SH3RF3: variants seen among roughly 807,000 people sequenced by gnomAD.
SH3RF3 encodes the protein SH3 domain containing ring finger 3, also known as E3 ubiquitin-protein ligase SH3RF3.
In SH3RF3, 29 loss-of-function variants were observed where a neutral mutation model predicts 66.3. The observed-to-expected ratio is 0.44, with a 90% CI of 0.33 to 0.60. The LOEUF is 0.60. Ranked by LOEUF, SH3RF3 falls within the 20% of genes least tolerant of loss-of-function variation. The pLI, the probability that SH3RF3 is intolerant of heterozygous loss-of-function variation, is 0.04. For synonymous variants in SH3RF3, 583 were observed against 532.0 expected (o/e 1.10, Z -1.32); for missense variants, 1,194 against 1,190.9 (o/e 1.00, Z -0.04).
chr2:109,363,995 G>C (rs554977939), intron 2 of SH3RF3, among the ~76,000 whole-genome samples: 1 of 152,132 alleles, frequency 6.6e-6, no homozygotes, highest in East Asian at 1.9e-4. Flanking sequence ...CTGTGGTTTG[G>C]TGTCTGACAA....
At chr2:109,394,982 G>A (rs1676102436) in intron 3 of SH3RF3, among the ~76,000 whole-genome samples, 1 of 152,274 alleles carries the variant, frequency 6.6e-6, no homozygotes, top group Non-Finnish European at 1.5e-5. Context: ...ACAAGGATGT[G>A]TGTGGCCGGT....
chr2:109,412,461 A>G (rs928215418), intron 4 of SH3RF3, among the ~76,000 whole-genome samples: 1 of 152,222 alleles, frequency 6.6e-6, no homozygotes, highest in Non-Finnish European at 1.5e-5. Context: ...GACAGCAGGC[A>G]TGGTAACAAC....
intron 8 of SH3RF3, among the ~76,000 whole-genome samples, chr2:109,469,911 G>A (rs987466291): frequency 1.3e-5 from 2 of 152,188 alleles, no homozygotes; most frequent in Admixed American, 1.3e-4. Context: ...GGGGGTCTGA[G>A]CCTGGACAGC....
chr2:109,493,300 A>G (rs1310950466), intron 9 of SH3RF3, among the ~76,000 whole-genome samples: 6 of 148,092 alleles, frequency 4.1e-5, no homozygotes, highest in African/African-American at 1.2e-4. Context: ...CACACCATGC[A>G]CACCATGCAA....
intron 1 of SH3RF3, among the ~76,000 whole-genome samples, chr2:109,193,541 C>T (rs977793130): frequency 3.3e-5 from 5 of 152,070 alleles, no homozygotes; most frequent in African/African-American, 4.8e-5. Context: ...TCTTTCATTC[C>T]CCATGATGTT....
intron 3 of SH3RF3, among the ~76,000 whole-genome samples, chr2:109,379,807 G>T (rs1233574735): frequency 1.3e-5 from 2 of 152,044 alleles, no homozygotes; most frequent in Admixed American, 6.5e-5. Context: ...AGAACACTGG[G>T]CAGGAAAGCC....
At position 109,348,153 on chromosome 2, in the gene SH3RF3, G is replaced by T. The variant is rs72824709; in HGVS notation, c.849+204G>T. 0.047 allele frequency among the ~76,000 whole-genome samples: 7,083 copies of T among 152,276 alleles called. 223 individuals carry two copies. Among genetic ancestry groups the T allele is most frequent in the Non-Finnish European group, 0.072 (4,928 of 68,024 alleles). On this transcript the variant is annotated intron_variant, in intron 2 of 9. Coordinates refer to ENST00000309415, the MANE Select transcript of SH3RF3 (RefSeq NM_001099289.3). ...TGGTTTTTTTTGGTTGAATGCTATGGAGGGCACCAGCTTGACACACAGCTC... is the reference window on the plus strand; with the variant it reads ...TGGTTTTTTTTGGTTGAATGCTATGTAGGGCACCAGCTTGACACACAGCTC...
At chr2:109,133,902 T>C (rs2104805711) in intron 1 of SH3RF3, among the ~76,000 whole-genome samples, 1 of 152,264 alleles carries the variant, frequency 6.6e-6, no homozygotes, top group Admixed American at 6.5e-5. Context: ...TGCCAGGCTG[T>C]AGTCTCTGGT....
intron 1 of SH3RF3, among the ~76,000 whole-genome samples, chr2:109,334,250 C>T (rs1042382047): frequency 2.7e-5 from 4 of 149,566 alleles, no homozygotes; most frequent in Admixed American, 1.3e-4. Flanking sequence ...CTCAGCTACT[C>T]GAGGGGCTGA....
At chr2:109,452,484 A>G (rs547611301) in intron 8 of SH3RF3, among the ~76,000 whole-genome samples, 36 of 152,342 alleles carry the variant, frequency 2.4e-4, no homozygotes, top group Middle Eastern at 3.4e-3. Context: ...AGTGCAGCGC[A>G]GTTTCCTAGC....
At position 109,361,776 on chromosome 2, in the gene SH3RF3, A is replaced by G. The variant is rs118053194; in HGVS notation, c.850-9810A>G. ...TTCTTTAATAGATAAAGGCCTATTG[A>G]ATTATATATTTCTTCTTGTATGAGT... is the stretch of plus-strand genomic sequence containing the variant. On this transcript the variant is annotated intron_variant, in intron 2 of 9. Transcript: ENST00000309415. 6.4e-3 allele frequency among the ~76,000 whole-genome samples: 967 copies of G among 152,280 alleles called. 9 individuals are homozygous for G. The highest frequency in any genetic ancestry group is 0.048 in the East Asian group (249 of 5,180).
intron 1 of SH3RF3, among the ~76,000 whole-genome samples, chr2:109,340,699 C>T (rs1327346196): frequency 2.0e-5 from 3 of 152,226 alleles, no homozygotes; most frequent in East Asian, 3.9e-4. Context: ...TTAAGAGACA[C>T]AAAGCTCTTT....
chr2:109,301,277 G>A (rs748904852), intron 1 of SH3RF3, among the ~76,000 whole-genome samples: 1 of 151,882 alleles, frequency 6.6e-6, no homozygotes. Flanking sequence ...CACACTTGCT[G>A]TGTGTGGTGT....
At chr2:109,206,512 A>AAG (rs1678842793) in intron 1 of SH3RF3, among the ~76,000 whole-genome samples, 1 of 148,304 alleles carries the variant, frequency 6.7e-6, no homozygotes, top group East Asian at 2.0e-4. Flanking sequence ...AAAAAAAAAA[A>AAG]AAAGAATTAG....
At chr2:109,290,169 C>A (rs1030769582) in intron 1 of SH3RF3, among the ~76,000 whole-genome samples, 1 of 152,188 alleles carries the variant, frequency 6.6e-6, no homozygotes, top group African/African-American at 2.4e-5. Context: ...TGAGCCAGAT[C>A]CCTTCTTTGT....
At chr2:109,209,400 A>C (rs1227627366) in intron 1 of SH3RF3, among the ~76,000 whole-genome samples, 1 of 152,104 alleles carries the variant, frequency 6.6e-6, no homozygotes, top group Admixed American at 6.5e-5. Context: ...GTGTTTGTCC[A>C]TTTCCAGGGT....
At chr2:109,277,143 A>AG (rs1273703603) in intron 1 of SH3RF3, among the ~76,000 whole-genome samples, 1 of 152,172 alleles carries the variant, frequency 6.6e-6, no homozygotes, top group Non-Finnish European at 1.5e-5. Flanking sequence ...ATGGGGTGGC[A>AG]GGTCAGCCTT....
Position 109,170,067 on chromosome 2 carries a change from C to T in SH3RF3, c.573+39954C>T, listed in dbSNP as rs146072450. Among the ~76,000 whole-genome samples the T allele has an allele frequency of 4.5e-4, 69 of 152,290 alleles. 1 individual carries two copies. The highest frequency in any genetic ancestry group is 1.5e-3 in the African/African-American group (63 of 41,560). On this transcript the variant is annotated intron_variant, in intron 1 of 9. Transcript: ENST00000309415. ...AGTTTTGATAATCATGGCATTTTGGCCAAAACACTTTGCCAGAAACTATAA... is the reference window on the plus strand; with the variant it reads ...AGTTTTGATAATCATGGCATTTTGGTCAAAACACTTTGCCAGAAACTATAA...
intron 4 of SH3RF3, among the ~76,000 whole-genome samples, chr2:109,415,300 G>A (rs945224280): frequency 2.6e-5 from 4 of 152,358 alleles, no homozygotes; most frequent in African/African-American, 9.6e-5. Context: ...CCACGGTGTG[G>A]TGGCTAAGCA....
Sources: allele counts gnomAD v4.1 joint callset (sites outside exome capture counted in the v4.1 genomes callset), GRCh38; gene constraint gnomAD v4.1.1; transcripts MANE v1.5; gene names NCBI Gene and HGNC (gene_info 2026-07-23, HGNC 2026-07-21).